The following IPO5 variants were observed in gnomAD, a reference collection of about 807,000 sequenced individuals.
IPO5 encodes importin-5.
IPO5 carries 18 observed loss-of-function variants against 143.3 expected under a neutral mutation model. The observed-to-expected ratio is 0.13, with a 90% CI of 0.09 to 0.19. The LOEUF is 0.19. Among genes scored for constraint, IPO5 ranks in the 10% least tolerant of loss-of-function variants. The probability of loss-of-function intolerance (pLI) is 1.00; values close to 1 mark genes in which losing one functional copy is unlikely to be tolerated. For synonymous variants in IPO5, 477 were observed against 465.7 expected, an observed-to-expected ratio of 1.02 and a Z score of -0.31; for missense variants, 1,013 against 1,336.9, an observed-to-expected ratio of 0.76 and a Z score of 3.78.
intron 2 of IPO5, among the ~76,000 whole-genome samples, chr13:97,959,567 A>C (rs1477298697): frequency 6.6e-6 from 1 of 151,934 alleles, no homozygotes; most frequent in African/African-American, 2.4e-5. Context: ...GTCTCTACTA[A>C]AATACAAAAA....
chr13:97,968,303 T>C (rs914502481), intron 2 of IPO5, among the ~76,000 whole-genome samples: 2 of 152,234 alleles, frequency 1.3e-5, no homozygotes, highest in Admixed American at 6.5e-5. Flanking sequence ...GCCTAACATA[T>C]GGTCTATCCT....
intron 20 of IPO5, among the ~76,000 whole-genome samples, chr13:98,010,511 T>G (rs1280514562): frequency 6.6e-6 from 1 of 152,130 alleles, no homozygotes; most frequent in Non-Finnish European, 1.5e-5. Context: ...ATAAGCTACA[T>G]GAGGGAAGGA....
intron 22 of IPO5, 61 bp from the exon 23 acceptor site, chr13:98,015,469 T>C (rs1890064077): frequency 8.0e-6 from 7 of 878,850 alleles, no homozygotes; most frequent in Admixed American, 4.4e-5. Context: ...TAGTGGAGTT[T>C]AACTTTGGAC....
intron 26 of IPO5, among the ~76,000 whole-genome samples, chr13:98,019,295 T>C (rs544221005): frequency 6.6e-6 from 1 of 152,278 alleles, no homozygotes; most frequent in Admixed American, 6.5e-5. Context: ...GTTAGGCAGC[T>C]TTTAAAGTTT....
Position 98,019,055 on chromosome 13 carries a change from G to A in IPO5, c.2836+351G>A, listed in dbSNP as rs1392336282. 5.3e-5 allele frequency among the ~76,000 whole-genome samples: 8 copies of A among 151,896 alleles called. No individual in the cohort carries two copies. The East Asian group carries it at 5.8e-4, about 11-fold the overall frequency. ...ACTGCAACCTCCGCCTCCCGGGTTC[G>A]AGCAATTCTGCTTCAGCCTCCTGAG... On this transcript the variant is annotated intron_variant, in intron 26 of 28. Coordinates refer to ENST00000651721, the MANE Select transcript of IPO5 (RefSeq NM_002271.6).
chr13:98,020,812 C>T (rs1890435247), intron 27 of IPO5, among the ~76,000 whole-genome samples, 180 bp from the exon 28 acceptor site: 1 of 151,762 alleles, frequency 6.6e-6, no homozygotes, highest in Admixed American at 6.6e-5. Context: ...TAAAACAATC[C>T]TGAGAGATGA....
intron 9 of IPO5, among the ~76,000 whole-genome samples, chr13:97,991,102 G>T (rs563676383): frequency 6.6e-6 from 1 of 152,174 alleles, no homozygotes; most frequent in African/African-American, 2.4e-5. Context: ...CAAGTTAGTG[G>T]TTCCCAACCT....
intron 16 of IPO5, 39 bp from the exon 17 acceptor site, chr13:98,006,091 A>T: frequency 1.5e-6 from 2 of 1,356,966 alleles, no homozygotes; most frequent in Non-Finnish European, 2.1e-6. Context: ...TACTTCTTCC[A>T]GTTTTCCTTT....
intron 3 of IPO5, 149 bp from the exon 4 acceptor site, chr13:97,976,544 T>G (rs1253554359): frequency 7.5e-6 from 1 of 133,764 alleles, no homozygotes; most frequent in East Asian, 2.4e-4. Flanking sequence ...CCCTTTCCCC[T>G]TTGCCCCGCC....
intron 2 of IPO5, among the ~76,000 whole-genome samples, chr13:97,957,909 C>T (rs540818324): frequency 6.6e-6 from 1 of 152,042 alleles, no homozygotes; most frequent in African/African-American, 2.4e-5. Context: ...CGCTTGAACC[C>T]ATGAGGTGGA....
At chr13:98,006,535 C>T (rs577443317) in intron 17 of IPO5, among the ~76,000 whole-genome samples, 187 bp downstream of exon 17, 7 of 151,470 alleles carry the variant, frequency 4.6e-5, no homozygotes, top group East Asian at 2.0e-4. Flanking sequence ...CCACCACGCC[C>T]GGCTAATTTT....
Position 97,976,743 on chromosome 13 carries a change from G to T in IPO5, c.47G>T (p.Gly16Val). The T allele has an allele frequency of 7.1e-7, 1 of 1,417,184 alleles. No homozygotes were observed. Among genetic ancestry groups the T allele is most frequent in the Non-Finnish European group, 9.4e-7 (1 of 1,061,426 alleles). The allele number at this position is 1,417,184 out of a possible 1,614,324, so 87.8% of individuals were successfully genotyped here. A position where few individuals can be genotyped will look rare whatever the true frequency, so the allele number is the denominator to read the frequency against. The part of the protein sequence containing the change: ...AEQQQFYLLL[G>V]NLLSPDNVVR... ...CAGCAACAGTTCTACCTGCTCCTGG[G>T]AAACCTGCTCAGCCCCGACAATGTG... The change falls in exon 4 of 29, where the codon GGA (glycine) becomes GTA (valine). Residue 16 changes from glycine to valine, a missense_variant. Coordinates refer to ENST00000651721, the MANE Select transcript of IPO5 (RefSeq NM_002271.6).
At chr13:97,984,041 G>C (rs1043763385) in intron 5 of IPO5, among the ~76,000 whole-genome samples, 3 of 136,834 alleles carry the variant, frequency 2.2e-5, no homozygotes, top group Non-Finnish European at 3.1e-5. Context: ...TGCAGTGGCG[G>C]GATCTCGGCT....
chr13:98,014,151 T>G lies in IPO5; in HGVS notation c.2262T>G (p.Ile754Met), dbSNP rs1434328819. Residue 754 changes from isoleucine (I) to methionine (M), a missense_variant, in exon 22 of 29, where the codon ATT becomes ATG. Around this residue, in one of 2 missense-constraint regions of IPO5, gnomAD observed 685 missense variants for 994.9 expected, o/e 0.69. Transcript: ENST00000651721. Reference protein sequence around the residue: ...QMWHFMCDALIKAIGTEPDSD... With the variant: ...QMWHFMCDALMKAIGTEPDSD... ...GGCATTTTATGTGTGATGCTCTAAT[T>G]AAGGCCATTGGTACAGAACCAGATT... The G allele has an allele frequency of 1.2e-6, 2 of 1,613,668 alleles. No individual in the cohort carries two copies. Among genetic ancestry groups the G allele is most frequent in the Non-Finnish European group, 8.5e-7 (1 of 1,179,614 alleles).
intron 3 of IPO5, among the ~76,000 whole-genome samples, chr13:97,970,264 T>C (rs968302834): frequency 2.0e-5 from 3 of 152,178 alleles, no homozygotes; most frequent in Admixed American, 2.0e-4. Flanking sequence ...ATGTGACCAA[T>C]ATAAAATTGT....
intron 6 of IPO5, among the ~76,000 whole-genome samples, chr13:97,988,775 G>A (rs1348840367): frequency 6.6e-6 from 1 of 151,828 alleles, no homozygotes; most frequent in Non-Finnish European, 1.5e-5. Flanking sequence ...GTAAAAAAGT[G>A]AAACTCCATC....
intron 2 of IPO5, among the ~76,000 whole-genome samples, chr13:97,967,206 A>T (rs967792196): frequency 2.6e-5 from 4 of 151,982 alleles, no homozygotes; most frequent in African/African-American, 9.7e-5. Context: ...ACAGTATTCT[A>T]ATTCTTTTTA....
At chr13:97,998,869 G>A (rs1277333161) in intron 12 of IPO5, among the ~76,000 whole-genome samples, 1 of 152,146 alleles carries the variant, frequency 6.6e-6, no homozygotes, top group Non-Finnish European at 1.5e-5. Flanking sequence ...TTGGCTGGGT[G>A]CAGTGGCTCA....
Position 98,023,637 on chromosome 13 carries a change from C to T in IPO5, c.*1815C>T, listed in dbSNP as rs1482776431. On this transcript the variant is annotated 3_prime_UTR_variant, in exon 29 of 29. Transcript: ENST00000651721. ...GCACTTTGGGAGCAAGAACCTCCTACCTTCCAGTTTAAACACTAGTGGTAT... is the reference window on the plus strand; with the variant it reads ...GCACTTTGGGAGCAAGAACCTCCTATCTTCCAGTTTAAACACTAGTGGTAT... 5 of 152,144 alleles carry T rather than the reference C, an allele frequency of 3.3e-5. No individual in the cohort carries two copies. Among genetic ancestry groups the T allele is most frequent in the Non-Finnish European group, 7.4e-5 (5 of 68,016 alleles). The allele number at this position is 152,144 out of a possible 1,614,324, so 9.4% of individuals were successfully genotyped here.
Sources: gnomAD v4.1 joint callset for allele counts (sites outside exome capture counted in the v4.1 genomes callset) on GRCh38, gnomAD v4.1.1 for gene constraint, gnomAD v4.1.1 regional missense constraint, MANE v1.5 for transcripts, NCBI Gene and HGNC (gene_info 2026-07-23, HGNC 2026-07-21) for gene names.